The following ANTXR1 variants were observed in gnomAD, a reference collection of about 807,000 sequenced individuals.
ANTXR1 encodes the protein anthrax toxin receptor 1.
Under a neutral mutation model 78.1 loss-of-function variants are expected in ANTXR1, and 19 were observed. The ratio of observed to expected loss-of-function variants is 0.24; its 90% CI spans 0.17 to 0.36. ANTXR1 has a LOEUF of 0.36. Ranked by LOEUF, ANTXR1 falls within the 10% of genes least tolerant of loss-of-function variation. The pLI, the probability that ANTXR1 is intolerant of heterozygous loss-of-function variation, is 1.00. For missense variants in ANTXR1, 518 were observed against 718.6 expected, an observed-to-expected ratio of 0.72 and a Z score of 3.19; for synonymous variants, 273 against 260.5, an observed-to-expected ratio of 1.05 and a Z score of -0.46.
chr2:69,194,801 C>T (rs1002318526), intron 17 of ANTXR1, among the ~76,000 whole-genome samples: 34 of 150,352 alleles, frequency 2.3e-4, no homozygotes, highest in African/African-American at 7.6e-4. Flanking sequence ...TGCAGTGAGC[C>T]GAGATCGCAC....
intron 14 of ANTXR1, among the ~76,000 whole-genome samples, chr2:69,179,941 G>C (rs1409753893): frequency 1.3e-5 from 2 of 152,186 alleles, no homozygotes; most frequent in African/African-American, 4.8e-5. Context: ...GAATACAAGG[G>C]TCAGCAGAAT....
intron 13 of ANTXR1, among the ~76,000 whole-genome samples, chr2:69,162,740 G>T (rs1057400759): frequency 6.6e-6 from 1 of 152,050 alleles, no homozygotes; most frequent in Admixed American, 6.6e-5. Context: ...AACAATAATT[G>T]TTAAATAGCA....
chr2:69,075,658 G>GGTAT lies in ANTXR1; in HGVS notation c.561+2_561+5dup, dbSNP rs111394607. On this transcript the variant is annotated frameshift_variant and splice_region_variant. Coordinates refer to ENST00000303714, the MANE Select transcript of ANTXR1 (RefSeq NM_032208.3). LOFTEE classifies it high-confidence loss of function. The stretch of plus-strand genomic sequence containing the variant: ...GTGTGAAAGATTTCAATGAGACACA[G>GGTAT]GTATGGTAATGGATTTCCTCAGGTT... 2.3e-5 allele frequency: 37 copies of GGTAT among 1,613,940 alleles called. 2 individuals are homozygous for GGTAT. Among genetic ancestry groups the GGTAT allele is most frequent in the African/African-American group, 1.6e-4 (12 of 75,040 alleles).
intron 8 of ANTXR1, among the ~76,000 whole-genome samples, chr2:69,088,442 G>A (rs372809739): frequency 6.6e-6 from 1 of 152,126 alleles, no homozygotes; most frequent in Admixed American, 6.5e-5. Flanking sequence ...TCAAAAAACA[G>A]CTTTGTGTTG....
chr2:69,028,891 A>T (rs2104021257), intron 1 of ANTXR1, among the ~76,000 whole-genome samples: 1 of 152,260 alleles, frequency 6.6e-6, no homozygotes, highest in East Asian at 1.9e-4. Context: ...AATTCCTCAG[A>T]ACTTAAGCTG....
chr2:69,200,486 C>T (rs1375232442), intron 17 of ANTXR1, among the ~76,000 whole-genome samples: 3 of 152,238 alleles, frequency 2.0e-5, no homozygotes, highest in Non-Finnish European at 2.9e-5. Flanking sequence ...GCAGATAAGC[C>T]TCCTGTAGCA....
chr2:69,084,356 G>C (rs1291099545), intron 8 of ANTXR1, among the ~76,000 whole-genome samples: 1 of 152,188 alleles, frequency 6.6e-6, no homozygotes, highest in Non-Finnish European at 1.5e-5. Flanking sequence ...CTCATTGAGT[G>C]TGAAACTAAC....
chr2:69,193,558 A>G, intron 17 of ANTXR1, 143 bp downstream of exon 17: 1 of 735,238 alleles, frequency 1.4e-6, no homozygotes, highest in Non-Finnish European at 2.4e-6. Flanking sequence ...GAGCTAGAAT[A>G]ACTCCAGATT....
intron 10 of ANTXR1, 129 bp from the exon 11 acceptor site, chr2:69,122,888 T>G: frequency 2.1e-6 from 2 of 961,294 alleles, no homozygotes; most frequent in Non-Finnish European, 3.3e-6. Flanking sequence ...CAGCTTAAGT[T>G]TTTAAGCTCA....
intron 8 of ANTXR1, among the ~76,000 whole-genome samples, chr2:69,089,458 CG>C (rs1671157733): frequency 6.6e-6 from 1 of 152,180 alleles, no homozygotes; most frequent in Admixed American, 6.5e-5. Context: ...CTGTCCTTTT[CG>C]TTTGCTACTA....
rs191220973 is a variant in ANTXR1 at position 69,202,322 on chromosome 2, G to A, written c.1434+8907G>A. On this transcript the variant is annotated intron_variant, in intron 17 of 17. Coordinates refer to ENST00000303714, the MANE Select transcript of ANTXR1 (RefSeq NM_032208.3). ...AGGAGGGTGGAGTGTCAAGTGATGG[G>A]AAATTAAGATGCAAACTGAGAGCAA... is the stretch of plus-strand genomic sequence containing the variant. Among the ~76,000 whole-genome samples, 8 of 152,250 alleles carry A rather than the reference G, an allele frequency of 5.3e-5. No individual in the cohort carries two copies. The East Asian group carries it at 7.7e-4, about 15-fold the overall frequency.
intron 3 of ANTXR1, among the ~76,000 whole-genome samples, chr2:69,066,066 A>G (rs767668445): frequency 1.3e-5 from 2 of 152,234 alleles, no homozygotes; most frequent in Non-Finnish European, 2.9e-5. Flanking sequence ...AGAGTACCAG[A>G]GATGATAAGC....
At chr2:69,119,284 C>T (rs1338081996) in intron 10 of ANTXR1, among the ~76,000 whole-genome samples, 1 of 152,176 alleles carries the variant, frequency 6.6e-6, no homozygotes, top group Non-Finnish European at 1.5e-5. Flanking sequence ...CTCGGATGCT[C>T]TCCTCGGCGT....
At chr2:69,144,354 T>G (rs950846065) in intron 12 of ANTXR1, among the ~76,000 whole-genome samples, 5 of 152,182 alleles carry the variant, frequency 3.3e-5, no homozygotes, top group African/African-American at 7.2e-5. Flanking sequence ...TCACCAGGAT[T>G]GAGTCTTTGT....
chr2:69,136,794 A>G (rs1402759048), intron 12 of ANTXR1, among the ~76,000 whole-genome samples: 3 of 152,246 alleles, frequency 2.0e-5, no homozygotes, highest in Non-Finnish European at 4.4e-5. Context: ...ATAGAAAACA[A>G]GATAAATGGA....
intron 3 of ANTXR1, among the ~76,000 whole-genome samples, chr2:69,045,631 CG>C (rs1669742856): frequency 6.6e-6 from 1 of 152,090 alleles, no homozygotes; most frequent in Non-Finnish European, 1.5e-5. Context: ...TATTCTCTAA[CG>C]TTCTTATAGA....
chr2:69,013,690 C>A lies in ANTXR1; in HGVS notation c.152+39C>A, dbSNP rs775318960. Reference sequence around the variant, plus strand: ...GTTGTCCCCCCCACCCCAGGCTAAGCGGGCGAAAACGCTTTCGCCCCGGGC... The same window carrying A: ...GTTGTCCCCCCCACCCCAGGCTAAGAGGGCGAAAACGCTTTCGCCCCGGGC... On this transcript the variant is annotated intron_variant, in intron 1 of 17. Coordinates refer to ENST00000303714, the MANE Select transcript of ANTXR1 (RefSeq NM_032208.3). The surrounding 1 kb of genome is among the most constrained non-coding windows in gnomAD (Gnocchi z 5.0). 4.5e-6 allele frequency: 7 copies of A among 1,551,268 alleles called. No homozygotes were observed. In the South Asian group the frequency reaches 7.1e-5, roughly 16 times the overall value.
intron 10 of ANTXR1, among the ~76,000 whole-genome samples, chr2:69,111,568 T>A (rs1573891954): frequency 6.6e-6 from 1 of 152,274 alleles, no homozygotes; most frequent in South Asian, 2.1e-4. Context: ...CTTTATTTTT[T>A]GATGCAAAAT....
chr2:69,042,179 T>G (rs1235133552), intron 2 of ANTXR1, among the ~76,000 whole-genome samples: 1 of 152,240 alleles, frequency 6.6e-6, no homozygotes, highest in Non-Finnish European at 1.5e-5. Flanking sequence ...GTGGGATTTT[T>G]GACATTTTGA....
Sources: allele counts gnomAD v4.1 joint callset (sites outside exome capture counted in the v4.1 genomes callset), GRCh38; gene constraint gnomAD v4.1.1; non-coding constraint Gnocchi (gnomAD v3.1); transcripts MANE v1.5; gene names NCBI Gene and HGNC (gene_info 2026-07-23, HGNC 2026-07-21).